ROBO2: variants seen among roughly 807,000 people sequenced by gnomAD.
ROBO2 encodes roundabout guidance receptor 2, also known as roundabout homolog 2.
A neutral mutation model predicts 160.8 loss-of-function variants in ROBO2; 53 were observed. The ratio of observed to expected loss-of-function variants is 0.33; its 90% CI spans 0.26 to 0.41. The LOEUF (loss-of-function observed/expected upper bound fraction) is 0.41. ROBO2 is among the 10% of genes least tolerant of loss of function. The pLI, the probability that ROBO2 is intolerant of heterozygous loss-of-function variation, is 1.00. For synonymous variants in ROBO2, 664 were observed against 611.7 expected, an observed-to-expected ratio of 1.09 and a Z score of -1.26; for missense variants, 1,577 against 1,722.4, an observed-to-expected ratio of 0.92 and a Z score of 1.49.
intron 2 of ROBO2, among the ~76,000 whole-genome samples, chr3:76,587,251 A>G (rs2086104334): frequency 6.6e-6 from 1 of 151,950 alleles, no homozygotes; most frequent in South Asian, 2.1e-4. Flanking sequence ...GAGTTTCATG[A>G]GATTAGGGGC....
chr3:77,647,405 G>A lies in ROBO2; in HGVS notation c.*1350G>A, dbSNP rs374864478. On this transcript the variant is annotated 3_prime_UTR_variant, in exon 26 of 26. Transcript: ENST00000461745. ...AGAAATTGGCTTCCAACTAAAATAC[G>A]TTTGACCCATTTTGAATAAGGAAAT... is the stretch of plus-strand genomic sequence containing the variant. 16 of 152,058 alleles carry A rather than the reference G, an allele frequency of 1.1e-4. 1 individual carries two copies. Among genetic ancestry groups the A allele is most frequent in the East Asian group, 5.8e-4 (3 of 5,176 alleles). The allele number at this position is 152,058 out of a possible 1,614,324, so 9.4% of individuals were successfully genotyped here.
intron 2 of ROBO2, among the ~76,000 whole-genome samples, chr3:75,970,112 A>C (rs1424556372): frequency 6.6e-6 from 1 of 151,018 alleles, no homozygotes; most frequent in Non-Finnish European, 1.5e-5. Flanking sequence ...AGATAACCAG[A>C]CTCTCACTGT....
At chr3:77,252,014 A>T (rs1175159928) in intron 2 of ROBO2, among the ~76,000 whole-genome samples, 1 of 152,112 alleles carries the variant, frequency 6.6e-6, no homozygotes. Flanking sequence ...CCAATTATAA[A>T]TTTTATCTTT....
intron 2 of ROBO2, among the ~76,000 whole-genome samples, chr3:77,423,837 T>A (rs1461482831): frequency 1.3e-5 from 2 of 152,192 alleles, no homozygotes; most frequent in African/African-American, 2.4e-5. Context: ...TATGACTTAC[T>A]GTGTCCTTCA....
At chr3:76,141,147 CTCTCTCTCTCTCTATATA>C (rs1371508230) in intron 2 of ROBO2, among the ~76,000 whole-genome samples, 4 of 56,340 alleles carry the variant, frequency 7.1e-5, no homozygotes, top group East Asian at 7.9e-4. Context: ...CTCTCTCTCT[CTCTCTCTCTCTCTATATA>C]TATATATATA....
chr3:76,652,211 T>TCAGAGGTAGTAGCTGTACCCAC, intron 2 of ROBO2, among the ~76,000 whole-genome samples: 1 of 152,324 alleles, frequency 6.6e-6, no homozygotes, highest in Admixed American at 6.5e-5. Flanking sequence ...ATCACTTCTA[T>TCAGAGGTAGTAGCTGTACCCAC]CAGAGGTAGT....
At chr3:77,421,482 C>G (rs2077708276) in intron 2 of ROBO2, among the ~76,000 whole-genome samples, 1 of 152,000 alleles carries the variant, frequency 6.6e-6, no homozygotes, top group Non-Finnish European at 1.5e-5. Flanking sequence ...TTTCTGTAAT[C>G]TCAAGGGATT....
chr3:77,618,941 A>G (rs2094841426), intron 22 of ROBO2, among the ~76,000 whole-genome samples: 1 of 152,150 alleles, frequency 6.6e-6, no homozygotes, highest in Non-Finnish European at 1.5e-5. Flanking sequence ...CCTTCACGTT[A>G]ACTAATGAAG....
intron 2 of ROBO2, among the ~76,000 whole-genome samples, chr3:77,248,972 G>A (rs2153280961): frequency 6.6e-6 from 1 of 152,244 alleles, no homozygotes; most frequent in African/African-American, 2.4e-5. Context: ...CCACCGCCCG[G>A]GTTCAAGCGA....
Position 76,033,094 on chromosome 3 carries a change from A to G in ROBO2, c.109+95492A>G, listed in dbSNP as rs76253838. On this transcript the variant is annotated intron_variant, in intron 2 of 26. Transcript: ENST00000487694. Reference sequence around the variant, plus strand: ...ACTTCCAAAACATCGTAAAATGGATATAACAGCAAAAAAAAAAAATGGGGA... The same window carrying G: ...ACTTCCAAAACATCGTAAAATGGATGTAACAGCAAAAAAAAAAAATGGGGA... Among the ~76,000 whole-genome samples the G allele has an allele frequency of 3.4e-4, 17 of 50,332 alleles. No homozygotes were observed. In the East Asian group the frequency reaches 0.011, roughly 33 times the overall value. 33.0% of individuals were successfully genotyped at this position (50,332 alleles called of 152,430 possible).
intron 1 of ROBO2, among the ~76,000 whole-genome samples, chr3:77,079,236 C>T (rs945552593): frequency 6.6e-6 from 1 of 152,074 alleles, no homozygotes; most frequent in Non-Finnish European, 1.5e-5. Context: ...CGTGAGCCAC[C>T]GCACCCAGCT....
At chr3:77,585,210 CTATCTGTTTGCCAGATATTT>C (rs1008132098) in intron 16 of ROBO2, among the ~76,000 whole-genome samples, 3 of 150,824 alleles carry the variant, frequency 2.0e-5, no homozygotes, top group African/African-American at 7.3e-5. Context: ...TTCCTAGTGA[CTATCTGTTTGCCAGATATTT>C]TATCTGTTTG....
At position 76,926,529 on chromosome 3, in the gene ROBO2, G is replaced by C. The variant is rs77215222; in HGVS notation, c.110-171485G>C. Among the ~76,000 whole-genome samples, 23 of 152,266 alleles carry C rather than the reference G, an allele frequency of 1.5e-4. No individual in the cohort carries two copies. In the East Asian group the frequency reaches 4.2e-3, roughly 28 times the overall value. Reference sequence around the variant, plus strand: ...GTATATCGTCTCCTGTGGCCTCGCTGTACGTTTTATAAAGTTTGTTTTCTC... The same window carrying C: ...GTATATCGTCTCCTGTGGCCTCGCTCTACGTTTTATAAAGTTTGTTTTCTC... On this transcript the variant is annotated intron_variant, in intron 2 of 26. Transcript: ENST00000487694.
At chr3:76,094,544 T>C (rs937432747) in intron 2 of ROBO2, among the ~76,000 whole-genome samples, 14 of 152,218 alleles carry the variant, frequency 9.2e-5, no homozygotes, top group Admixed American at 2.6e-4. Context: ...AAATAAAATG[T>C]ACTGCTCTTT....
chr3:76,752,592 C>T (rs1325672897), intron 2 of ROBO2, among the ~76,000 whole-genome samples: 1 of 151,674 alleles, frequency 6.6e-6, no homozygotes, highest in Non-Finnish European at 1.5e-5. Flanking sequence ...AGTATTCATC[C>T]TTAAAGAATT....
intron 2 of ROBO2, among the ~76,000 whole-genome samples, chr3:76,201,260 ACTTAAT>A (rs371251613): frequency 2.4e-4 from 36 of 152,164 alleles, no homozygotes; most frequent in African/African-American, 8.0e-4. Flanking sequence ...CAATTTTTAT[ACTTAAT>A]CTTATGCGAG....
chr3:76,875,911 C>T (rs1024530039), intron 2 of ROBO2, among the ~76,000 whole-genome samples: 1 of 152,058 alleles, frequency 6.6e-6, no homozygotes. Flanking sequence ...GCTTTGGCCT[C>T]CTAAAGTGCC....
intron 2 of ROBO2, among the ~76,000 whole-genome samples, chr3:76,401,842 A>G (rs2077838948): frequency 6.6e-6 from 1 of 151,562 alleles, no homozygotes; most frequent in South Asian, 2.1e-4. Context: ...CTGATGAAAT[A>G]TTTTACATGT....
At chr3:76,917,892 GAAGTAA>G (rs1316825136) in intron 2 of ROBO2, among the ~76,000 whole-genome samples, 1 of 152,110 alleles carries the variant, frequency 6.6e-6, no homozygotes, top group Non-Finnish European at 1.5e-5. Flanking sequence ...GAGATCAGAT[GAAGTAA>G]ATACAACTTA....
Sources: gnomAD v4.1 joint callset for allele counts (sites outside exome capture counted in the v4.1 genomes callset) on GRCh38, gnomAD v4.1.1 for gene constraint, MANE v1.5 for transcripts, NCBI Gene and HGNC (gene_info 2026-07-23, HGNC 2026-07-21) for gene names.